The following PDE1A variants were observed in gnomAD, a reference collection of about 807,000 sequenced individuals.
PDE1A encodes dual specificity calcium/calmodulin-dependent 3',5'-cyclic nucleotide phosphodiesterase 1A.
A neutral mutation model predicts 61.7 loss-of-function variants in PDE1A; 35 were observed. The observed-to-expected ratio is 0.57, with a 90% confidence interval of 0.43 to 0.75. PDE1A has a LOEUF of 0.75. Ranked by LOEUF, PDE1A falls within the 30% of genes least tolerant of loss-of-function variation. PDE1A has a pLI of 0.00. For synonymous variants in PDE1A, 232 were observed against 213.2 expected, an observed-to-expected ratio of 1.09 and a Z score of -0.77; for missense variants, 597 against 630.6, an observed-to-expected ratio of 0.95 and a Z score of 0.57.
At chr2:182,428,637 T>G (rs553462398), upstream of PDE1A, among the ~76,000 whole-genome samples, 7 of 152,264 alleles carry the variant, frequency 4.6e-5, no homozygotes, top group South Asian at 1.4e-3. Flanking sequence ...TATTACCATA[T>G]GCTTTGGCTT....
intron 2 of PDE1A, among the ~76,000 whole-genome samples, chr2:182,513,057 C>A (rs1010180563): frequency 6.6e-6 from 1 of 152,124 alleles, no homozygotes; most frequent in Non-Finnish European, 1.5e-5. Context: ...TTTTTCCCAA[C>A]CTCACTAGAG....
chr2:182,354,649 A>C (rs1699076266), intron 1 of PDE1A, among the ~76,000 whole-genome samples: 1 of 152,196 alleles, frequency 6.6e-6, no homozygotes, highest in South Asian at 2.1e-4. Context: ...TTTGTGAACA[A>C]ATAAATGTGC....
the PDE1A span, among the ~76,000 whole-genome samples, chr2:182,640,685 G>A: frequency 5.3e-5 from 8 of 152,026 alleles, no homozygotes; most frequent in African/African-American, 1.9e-4. Flanking sequence ...TTATATTCAT[G>A]AAAGCAACCA....
intron 13 of PDE1A, among the ~76,000 whole-genome samples, chr2:182,179,514 A>G (rs991612631): frequency 6.6e-6 from 1 of 152,194 alleles, no homozygotes; most frequent in South Asian, 2.1e-4. Context: ...ATTCAAAACA[A>G]TAATTAGCTC....
At chr2:182,221,938 C>T (rs1217328589) in intron 7 of PDE1A, among the ~76,000 whole-genome samples, 1 of 151,360 alleles carries the variant, frequency 6.6e-6, no homozygotes, top group African/African-American at 2.4e-5. Flanking sequence ...TCTCACTCAT[C>T]TTAGGGTCCT....
At chr2:182,286,932 G>C (rs1353674009) in intron 1 of PDE1A, among the ~76,000 whole-genome samples, 1 of 151,980 alleles carries the variant, frequency 6.6e-6, no homozygotes, top group Non-Finnish European at 1.5e-5. Flanking sequence ...CCAGAGTTTT[G>C]TTTGTTTGTT....
chr2:182,481,017 G>C (rs1209067041), intron 2 of PDE1A, among the ~76,000 whole-genome samples: 2 of 151,838 alleles, frequency 1.3e-5, no homozygotes, highest in African/African-American at 2.4e-5. Flanking sequence ...AGAGAAGACT[G>C]CTCCTTCCAT....
intron 1 of PDE1A, among the ~76,000 whole-genome samples, chr2:182,360,200 T>G (rs1231913076): frequency 1.3e-5 from 2 of 152,152 alleles, no homozygotes; most frequent in Non-Finnish European, 2.9e-5. Context: ...CATTTCCTAG[T>G]ACACATTTGT....
intron 13 of PDE1A, among the ~76,000 whole-genome samples, chr2:182,149,843 T>C (rs1183212532): frequency 6.6e-6 from 1 of 152,204 alleles, no homozygotes; most frequent in Admixed American, 6.5e-5. Context: ...TTTTGAATCA[T>C]AGATCCCTCT....
At chr2:182,178,005 A>C (rs1033277391) in intron 13 of PDE1A, among the ~76,000 whole-genome samples, 1 of 152,126 alleles carries the variant, frequency 6.6e-6, no homozygotes, top group African/African-American at 2.4e-5. Flanking sequence ...ATTGTTTTTC[A>C]TTTCTCTTCT....
At chr2:182,526,106 A>G (rs943649947), upstream of PDE1A, among the ~76,000 whole-genome samples, 1 of 152,196 alleles carries the variant, frequency 6.6e-6, no homozygotes. Context: ...ATATTTAAAA[A>G]CAAAATACTG....
rs74729554 is a variant in PDE1A, at chr2:182,410,051, G to A, written c.53+16527C>T. The stretch of plus-strand genomic sequence containing the variant: ...TAATAAACAGTTCAGTTAATTTACC[G>A]TTTTAAAATGCATCCACAGGCCAGA... On this transcript the variant is annotated intron_variant, in intron 1 of 13. Coordinates refer to ENST00000351439, the Ensembl canonical transcript of PDE1A. 5.8e-3 allele frequency among the ~76,000 whole-genome samples: 882 copies of A among 152,146 alleles called. 5 individuals are homozygous for A. The highest frequency in any genetic ancestry group is 0.019 in the African/African-American group (804 of 41,498).
At chr2:182,675,632 T>C in the PDE1A span, among the ~76,000 whole-genome samples, 1 of 152,184 alleles carries the variant, frequency 6.6e-6, no homozygotes, top group Admixed American at 6.5e-5. Context: ...TTTTTTGACT[T>C]TTTAGTAACA....
intron 10 of PDE1A, 99 bp downstream of exon 10, chr2:182,201,340 T>C (rs995603586): frequency 7.6e-5 from 108 of 1,429,978 alleles, no homozygotes; most frequent in African/African-American, 4.3e-5. Flanking sequence ...CAGTTGATAA[T>C]AGTAAGTCAC....
At chr2:182,569,282 TC>T in the PDE1A span, among the ~76,000 whole-genome samples, 5 of 149,568 alleles carry the variant, frequency 3.3e-5, no homozygotes, top group African/African-American at 1.2e-4. Context: ...TATATGTATT[TC>T]CTGTTGTAAT....
chr2:182,183,106 C>A (rs898477203), intron 13 of PDE1A, among the ~76,000 whole-genome samples: 1 of 152,026 alleles, frequency 6.6e-6, no homozygotes, highest in Non-Finnish European at 1.5e-5. Context: ...ACTCATATAG[C>A]GCTTAGTACT....
At chr2:182,532,688 T>A in the PDE1A span, among the ~76,000 whole-genome samples, 1 of 152,160 alleles carries the variant, frequency 6.6e-6, no homozygotes, top group African/African-American at 2.4e-5. Context: ...CCAGGCACAG[T>A]GGCTCACGCC....
chr2:182,171,793 T>G (rs1692240012), intron 13 of PDE1A, among the ~76,000 whole-genome samples: 3 of 151,138 alleles, frequency 2.0e-5, no homozygotes, highest in African/African-American at 7.3e-5. Context: ...GAACTGTCTC[T>G]GAGAGCTGTT....
chr2:182,516,355 G>A (rs1040932212), intron 2 of PDE1A, among the ~76,000 whole-genome samples: 7 of 151,680 alleles, frequency 4.6e-5, no homozygotes, highest in East Asian at 3.9e-4. Context: ...TCCACTTTTC[G>A]AGCCTTTGTG....
Sources: allele counts gnomAD v4.1 joint callset (sites outside exome capture counted in the v4.1 genomes callset), GRCh38; gene constraint gnomAD v4.1.1; transcripts MANE v1.5; gene names NCBI Gene and HGNC (gene_info 2026-07-23, HGNC 2026-07-21).